Variants in CAMTA1 observed in about 807,000 individuals in gnomAD.
CAMTA1 encodes the protein calmodulin-binding transcription activator 1.
CAMTA1 carries 27 observed loss-of-function variants against 170.9 expected under a neutral mutation model. The ratio of observed to expected loss-of-function variants is 0.16; its 90% CI spans 0.12 to 0.22. The LOEUF (loss-of-function observed/expected upper bound fraction) is 0.22, where lower values mean the gene tolerates loss of function less well. Among genes scored for constraint, CAMTA1 ranks in the 10% least tolerant of loss-of-function variants. The pLI, the probability that CAMTA1 is intolerant of heterozygous loss-of-function variation, is 1.00. For synonymous variants in CAMTA1, 833 were observed against 891.5 expected, an observed-to-expected ratio of 0.93 and a Z score of 1.17; for missense variants, 1,619 against 2,217.2, an observed-to-expected ratio of 0.73 and a Z score of 5.42.
At chr1:6,996,214 T>C (rs1697225475) in intron 3 of CAMTA1, among the ~76,000 whole-genome samples, 1 of 152,268 alleles carries the variant, frequency 6.6e-6, no homozygotes. Context: ...GCCTTTTCTC[T>C]TGAGTATGAG....
chr1:7,630,219 G>T (rs2095660074), intron 6 of CAMTA1, among the ~76,000 whole-genome samples: 1 of 152,158 alleles, frequency 6.6e-6, no homozygotes, highest in Non-Finnish European at 1.5e-5. Flanking sequence ...CAGCCTTTGG[G>T]TGGGACTGTT....
At chr1:6,932,352 AT>A (rs1240902261) in intron 3 of CAMTA1, among the ~76,000 whole-genome samples, 19 of 152,150 alleles carry the variant, frequency 1.2e-4, no homozygotes, top group African/African-American at 4.3e-4. Context: ...TGTATCAGTA[AT>A]TCATTTCTTT....
At chr1:7,586,484 T>C (rs2095311070) in intron 6 of CAMTA1, among the ~76,000 whole-genome samples, 1 of 151,964 alleles carries the variant, frequency 6.6e-6, no homozygotes, top group Admixed American at 6.5e-5. Context: ...TTCCAAACAA[T>C]ACTGACACCT....
chr1:7,470,097 C>A (rs1475990616), intron 6 of CAMTA1, among the ~76,000 whole-genome samples: 1 of 152,224 alleles, frequency 6.6e-6, no homozygotes, highest in African/African-American at 2.4e-5. Flanking sequence ...TCTTCTCTGC[C>A]CAAGCCTGGG....
At chr1:7,021,711 A>T (rs2100961382) in intron 3 of CAMTA1, among the ~76,000 whole-genome samples, 1 of 152,306 alleles carries the variant, frequency 6.6e-6, no homozygotes, top group South Asian at 2.1e-4. Context: ...CTTGTGTGTC[A>T]GCTGTACCTT....
At chr1:6,989,631 A>G (rs1225921562) in intron 3 of CAMTA1, among the ~76,000 whole-genome samples, 3 of 152,092 alleles carry the variant, frequency 2.0e-5, no homozygotes, top group Non-Finnish European at 4.4e-5. Context: ...ATTTGGGTGG[A>G]TGCCCCGGGC....
In CAMTA1 at chr1:7,572,987, A is replaced by T. The variant is rs72867109; in HGVS notation, c.511-67413A>T. Among the ~76,000 whole-genome samples, 428 of 152,250 alleles carry T rather than the reference A, an allele frequency of 2.8e-3. 2 individuals carry two copies. Among genetic ancestry groups the T allele is most frequent in the African/African-American group, 9.9e-3 (410 of 41,556 alleles). Reference sequence around the variant, plus strand: ...CCAGAAACAGGCAGCCGGCGCCTGAACTCACCAAAGCCTTATGCCTGGCCT... The same window carrying T: ...CCAGAAACAGGCAGCCGGCGCCTGATCTCACCAAAGCCTTATGCCTGGCCT... On this transcript the variant is annotated intron_variant, in intron 6 of 22. Coordinates refer to ENST00000303635, the MANE Select transcript of CAMTA1 (RefSeq NM_015215.4).
At chr1:7,546,178 G>A (rs984575771) in intron 6 of CAMTA1, among the ~76,000 whole-genome samples, 12 of 151,932 alleles carry the variant, frequency 7.9e-5, no homozygotes, top group Non-Finnish European at 1.3e-4. Flanking sequence ...GGATAGTCTC[G>A]ATCTCCTGAC....
intron 3 of CAMTA1, among the ~76,000 whole-genome samples, chr1:7,001,814 C>T (rs1572353207): frequency 6.6e-6 from 1 of 152,106 alleles, no homozygotes; most frequent in Admixed American, 6.5e-5. Context: ...TTGACATTAT[C>T]CTTGATTAAT....
intron 3 of CAMTA1, among the ~76,000 whole-genome samples, chr1:6,848,362 C>T (rs982690763): frequency 2.0e-4 from 30 of 152,122 alleles, no homozygotes; most frequent in African/African-American, 5.1e-4. Context: ...TACATTTCCC[C>T]GGCCTTGAAC....
intron 6 of CAMTA1, among the ~76,000 whole-genome samples, chr1:7,624,379 G>A (rs1404851714): frequency 1.3e-5 from 2 of 152,328 alleles, no homozygotes; most frequent in African/African-American, 4.8e-5. Context: ...GGGGAGTAGG[G>A]ATTTGTGTAT....
chr1:6,906,370 G>A (rs1452492073), intron 3 of CAMTA1, among the ~76,000 whole-genome samples: 4 of 152,218 alleles, frequency 2.6e-5, no homozygotes, highest in African/African-American at 9.6e-5. Flanking sequence ...AGAGATGGCA[G>A]AAAAGGCTCT....
chr1:7,012,617 T>C (rs568217559), intron 3 of CAMTA1, among the ~76,000 whole-genome samples: 33 of 152,306 alleles, frequency 2.2e-4, no homozygotes, highest in African/African-American at 7.7e-4. Flanking sequence ...TCCTCGCCCT[T>C]GCCTGTCGGC....
intron 3 of CAMTA1, among the ~76,000 whole-genome samples, chr1:6,830,623 G>A (rs1009666459): frequency 2.0e-5 from 3 of 152,244 alleles, no homozygotes; most frequent in East Asian, 1.9e-4. Context: ...GATTACAGGC[G>A]TGAGCCACGG....
At chr1:7,616,518 C>A (rs191694679) in intron 6 of CAMTA1, among the ~76,000 whole-genome samples, 5 of 152,274 alleles carry the variant, frequency 3.3e-5, no homozygotes, top group African/African-American at 1.2e-4. Context: ...CTTAAAGCAA[C>A]AGCCTCCAGG....
Position 7,746,103 on chromosome 1 carries a change from C to G in CAMTA1, c.4617+12C>G, listed in dbSNP as rs2096855023. The G allele has an allele frequency of 6.2e-7, 1 of 1,609,546 alleles. No individual in the cohort carries two copies. The highest frequency in any genetic ancestry group is 8.5e-7 in the Non-Finnish European group (1 of 1,176,054). The stretch of plus-strand genomic sequence containing the variant: ...TCCGGAAATACAAGGTAAACTAGAA[C>G]AGAACCTTCGTTTTGTGACATTCTT... On this transcript the variant is annotated intron_variant, in intron 18 of 22. Transcript: ENST00000303635.
intron 1 of CAMTA1, among the ~76,000 whole-genome samples, chr1:6,807,641 A>G (rs1003320151): frequency 1.3e-5 from 2 of 151,662 alleles, no homozygotes; most frequent in African/African-American, 4.8e-5. Flanking sequence ...AATCGCTTGA[A>G]TCCAGGAGGC....
In CAMTA1 at chr1:7,286,315, G is replaced by A. The variant is rs143560335; in HGVS notation, c.438+36689G>A. Among the ~76,000 whole-genome samples the A allele has an allele frequency of 6.6e-6, 1 of 152,350 alleles. No individual in the cohort carries two copies. Among genetic ancestry groups the A allele is most frequent in the Non-Finnish European group, 1.5e-5 (1 of 68,028 alleles). On this transcript the variant is annotated intron_variant, in intron 5 of 22. Coordinates refer to ENST00000303635, the MANE Select transcript of CAMTA1 (RefSeq NM_015215.4). This position sits in a 1 kb window ranked among gnomAD's most constrained non-coding sequence, Gnocchi z 4.2. ...CGCCAGGGTGTGCCACGTGCTTTTA[G>A]AGCTGCCCCAGCAACGATTCTTGAT...
intron 6 of CAMTA1, among the ~76,000 whole-genome samples, chr1:7,489,456 C>T (rs1435381242): frequency 2.6e-5 from 4 of 152,100 alleles, no homozygotes; most frequent in Admixed American, 1.3e-4. Flanking sequence ...CACTGGGGCT[C>T]CCGGCGAGCC....
Sources: allele counts gnomAD v4.1 joint callset (sites outside exome capture counted in the v4.1 genomes callset), GRCh38; gene constraint gnomAD v4.1.1; non-coding constraint Gnocchi (gnomAD v3.1); transcripts MANE v1.5; gene names NCBI Gene and HGNC (gene_info 2026-07-23, HGNC 2026-07-21).